Variants in MTTP observed in about 807,000 individuals in gnomAD.
MTTP encodes microsomal triglyceride transfer protein.
Under a neutral mutation model 90.6 loss-of-function variants are expected in MTTP, and 49 were observed. That is an observed-to-expected ratio of 0.54 (90% CI 0.43 to 0.69). The LOEUF (loss-of-function observed/expected upper bound fraction) is 0.69. MTTP is among the 30% of genes least tolerant of loss of function. The pLI is 0.00. For synonymous variants in MTTP, 347 were observed against 384.2 expected, an observed-to-expected ratio of 0.90 and a Z score of 1.13; for missense variants, 945 against 1,067.5, an observed-to-expected ratio of 0.89 and a Z score of 1.60.
At chr4:99,609,463 T>C (rs1487655378) in intron 12 of MTTP, among the ~76,000 whole-genome samples, 3 of 151,862 alleles carry the variant, frequency 2.0e-5, no homozygotes. Flanking sequence ...ATCAGTAGAG[T>C]TCATCACTCT....
chr4:99,614,157 G>A (rs1173196893), intron 15 of MTTP, among the ~76,000 whole-genome samples: 8 of 152,254 alleles, frequency 5.3e-5, no homozygotes, highest in South Asian at 2.1e-4. Context: ...AATAGCCTAC[G>A]TTTGAATTTT....
intron 12 of MTTP, among the ~76,000 whole-genome samples, chr4:99,609,449 T>G (rs1051112563): frequency 6.6e-6 from 1 of 152,066 alleles, no homozygotes; most frequent in Non-Finnish European, 1.5e-5. Flanking sequence ...ATTTAAAGAG[T>G]GCAATCAGTA....
intron 10 of MTTP, among the ~76,000 whole-genome samples, chr4:99,605,865 A>ATGTGTGTGTGTGTGTGTGTG (rs1315844209): frequency 1.5e-5 from 1 of 65,300 alleles, no homozygotes; most frequent in African/African-American, 1.5e-4. Flanking sequence ...CCCCAACCCC[A>ATGTGTGTGTGTGTGTGTGTG]TGTATGTGTG....
chr4:99,589,917 T>C (rs1725372692), intron 4 of MTTP, among the ~76,000 whole-genome samples, 167 bp downstream of exon 4: 1 of 152,176 alleles, frequency 6.6e-6, no homozygotes, highest in Non-Finnish European at 1.5e-5. Context: ...TCCCAATGTT[T>C]TGTTAATTAA....
At chr4:99,607,876 T>C (rs1190143282) in intron 11 of MTTP, among the ~76,000 whole-genome samples, 1 of 152,122 alleles carries the variant, frequency 6.6e-6, no homozygotes, top group African/African-American at 2.4e-5. Context: ...CAAGGGGTGA[T>C]TGTGCGTGTG....
chr4:99,585,068 T>C lies in MTTP; in HGVS notation c.393+1551T>C, dbSNP rs1311527705. On this transcript the variant is annotated intron_variant, in intron 3 of 17. Coordinates refer to ENST00000265517, the MANE Select transcript of MTTP (RefSeq NM_001386140.1). ...ATCTGTCTATTCAGCACCTTGCTCATAGGGGATACTGAATATAGATGCTTC... is the reference window on the plus strand; with the variant it reads ...ATCTGTCTATTCAGCACCTTGCTCACAGGGGATACTGAATATAGATGCTTC... Among the ~76,000 whole-genome samples, 5 of 152,268 alleles carry C rather than the reference T, an allele frequency of 3.3e-5. No individual in the cohort carries two copies. The South Asian group carries it at 6.2e-4, about 19-fold the overall frequency.
At chr4:99,583,944 C>A (rs576991313) in intron 3 of MTTP, 5 of 216,080 alleles carry the variant, frequency 2.3e-5, no homozygotes, top group South Asian at 9.9e-5. Context: ...ATGAGATTAT[C>A]GATATCTGGC....
chr4:99,574,831 CACTGGCTGCCA>C lies in MTTP; in HGVS notation c.-78_-68del. 1 of 1,613,748 alleles carries C rather than the reference CACTGGCTGCCA, an allele frequency of 6.2e-7. No homozygotes were observed. Among genetic ancestry groups the C allele is most frequent in the Non-Finnish European group, 8.5e-7 (1 of 1,179,790 alleles). On this transcript the variant is annotated 5_prime_UTR_variant, in exon 1 of 18. Coordinates refer to ENST00000265517, the MANE Select transcript of MTTP (RefSeq NM_001386140.1). ...CAGGTTCTGAAGAGGGTCACTCCCT[CACTGGCTGCCA>C]TTGAAAGAGTCCACTTCTCAGTGAC... is the stretch of plus-strand genomic sequence containing the variant.
In MTTP at chr4:99,623,790, G is replaced by GA. The variant is rs1303980847; in HGVS notation, c.*949dup. The GA allele has an allele frequency of 1.3e-5, 2 of 151,856 alleles. No individual in the cohort carries two copies. The highest frequency in any genetic ancestry group is 1.9e-4 in the East Asian group (1 of 5,190). The allele number at this position is 151,856 out of a possible 1,614,324, so 9.4% of individuals were successfully genotyped here. On this transcript the variant is annotated 3_prime_UTR_variant, in exon 18 of 18. Transcript: ENST00000265517. The stretch of plus-strand genomic sequence containing the variant: ...TTGGATTTCCAAAATATGAAATAAG[G>GA]AAAAAAATGTTTTTATTTGTATGAA...
At chr4:99,583,111 C>T (rs554922236) in intron 2 of MTTP, among the ~76,000 whole-genome samples, 3 of 152,226 alleles carry the variant, frequency 2.0e-5, no homozygotes, top group African/African-American at 7.2e-5. Flanking sequence ...GAAAGAATCA[C>T]ACTCAAGTCA....
At chr4:99,619,807 A>G (rs1726185533) in intron 16 of MTTP, among the ~76,000 whole-genome samples, 1 of 152,258 alleles carries the variant, frequency 6.6e-6, no homozygotes, top group African/African-American at 2.4e-5. Context: ...GCAATCAAAC[A>G]GTAGCACATT....
In MTTP at chr4:99,601,658, A is replaced by G. The variant is rs1307044024; in HGVS notation, c.1288A>G (p.Ile430Val). 5 of 1,613,136 alleles carry G rather than the reference A, an allele frequency of 3.1e-6. No individual in the cohort carries two copies. The highest frequency in any genetic ancestry group is 3.4e-6 in the Non-Finnish European group (4 of 1,179,330). ...CAGTGACATCAGAGAAACTGTTATG[A>G]TCATCACTGGGACACTTGTCAGAAA... ...GSSDIRETVM[I>V]ITGTLVRKLC... Residue 430 changes from isoleucine (I) to valine (V), a missense_variant, in exon 10 of 18, where the codon ATC (isoleucine) becomes GTC (valine). Coordinates refer to ENST00000265517, the MANE Select transcript of MTTP (RefSeq NM_001386140.1).
chr4:99,569,461 TAAC>T lies in MTTP; in HGVS notation c.-102+5227_-102+5229del, dbSNP rs756244627. ...TATATTAATATTGGTTTATTAATAA[TAAC>T]AAATCAACTACACTAATGTAAGTTA... On this transcript the variant is annotated intron_variant, in intron 1 of 18. Transcript: ENST00000457717. Among the ~76,000 whole-genome samples the T allele has an allele frequency of 5.4e-4, 82 of 152,204 alleles. 1 individual carries two copies. The highest frequency in any genetic ancestry group is 9.1e-4 in the African/African-American group (38 of 41,548).
At chr4:99,610,269 G>A (rs1725919265) in intron 12 of MTTP, among the ~76,000 whole-genome samples, 2 of 152,090 alleles carry the variant, frequency 1.3e-5, no homozygotes, top group Non-Finnish European at 2.9e-5. Flanking sequence ...ATTGGCTCTG[G>A]TTTTATCCCA....
At chr4:99,573,123 C>T (rs1038110390), upstream of MTTP, among the ~76,000 whole-genome samples, 7 of 152,224 alleles carry the variant, frequency 4.6e-5, no homozygotes, top group African/African-American at 1.4e-4. Flanking sequence ...GTATCATGCA[C>T]CACATAGCCT....
At chr4:99,600,794 G>T in intron 9 of MTTP, 61 bp downstream of exon 9, 1 of 1,513,644 alleles carries the variant, frequency 6.6e-7, no homozygotes, top group Non-Finnish European at 9.1e-7. Flanking sequence ...AATATTAACA[G>T]TAATTAAAAG....
At position 99,606,955 on chromosome 4, in the gene MTTP, G is replaced by A; in HGVS notation, c.1552G>A (p.Asp518Asn). Residue 518 changes from aspartate to asparagine, a missense_variant, in exon 11 of 18, where the codon GAT (aspartate) becomes AAT (asparagine). Physicochemically the swap from Asp to Asn is conservative, Grantham distance 23. Coordinates refer to ENST00000265517, the MANE Select transcript of MTTP (RefSeq NM_001386140.1). ...LQRYDLPFITDEVKKTLNRIY... is the reference protein window; with the variant it reads ...LQRYDLPFITNEVKKTLNRIY... ...GAGATATGATCTCCCTTTCATAACTGATGAGGTAAAATCTCCAAGAATATT... is the reference window on the plus strand; with the variant it reads ...GAGATATGATCTCCCTTTCATAACTAATGAGGTAAAATCTCCAAGAATATT... 1 of 1,611,382 alleles carries A rather than the reference G, an allele frequency of 6.2e-7. No individual in the cohort carries two copies.
chr4:99,573,087 C>T (rs755029970), upstream of MTTP, among the ~76,000 whole-genome samples: 1 of 152,126 alleles, frequency 6.6e-6, no homozygotes, highest in Non-Finnish European at 1.5e-5. Flanking sequence ...CACTTGACAA[C>T]GAATAGTACT....
intron 2 of MTTP, 52 bp downstream of exon 2, chr4:99,582,144 A>T (rs1337681233): frequency 6.3e-7 from 1 of 1,586,208 alleles, no homozygotes; most frequent in Admixed American, 1.7e-5. Flanking sequence ...GAAGTTTTTG[A>T]GAAGTGTACC....
Sources: allele counts gnomAD v4.1 joint callset (sites outside exome capture counted in the v4.1 genomes callset), GRCh38; gene constraint gnomAD v4.1.1; transcripts MANE v1.5; gene names NCBI Gene and HGNC (gene_info 2026-07-23, HGNC 2026-07-21).